The following PLXNB2 variants were observed in gnomAD, a reference collection of about 807,000 sequenced individuals.
PLXNB2 encodes plexin-B2.
In PLXNB2, 85 loss-of-function variants were observed where a neutral mutation model predicts 202.6. The observed-to-expected ratio is 0.42, with a 90% CI of 0.35 to 0.50. The LOEUF (loss-of-function observed/expected upper bound fraction) is 0.50. PLXNB2 is among the 20% of genes least tolerant of loss of function. The probability of loss-of-function intolerance (pLI) is 0.02; values close to 1 mark genes in which losing one functional copy is unlikely to be tolerated. For synonymous variants in PLXNB2, 1,239 were observed against 1,137.6 expected, an observed-to-expected ratio of 1.09 and a Z score of -1.79; for missense variants, 2,063 against 2,586.2, an observed-to-expected ratio of 0.80 and a Z score of 4.39.
At chr22:50,276,804 G>A (rs2065632571) in intron 34 of PLXNB2, 38 bp downstream of exon 34, 9 of 1,595,966 alleles carry the variant, frequency 5.6e-6, no homozygotes, top group Middle Eastern at 1.7e-4. Flanking sequence ...GGTCGAGGGT[G>A]GGCATGGGGG....
Position 50,283,099 on chromosome 22 carries a change from C to T in PLXNB2, c.2767G>A (p.Gly923Ser). The T allele has an allele frequency of 1.9e-6, 3 of 1,606,952 alleles. No individual in the cohort carries two copies. Among genetic ancestry groups the T allele is most frequent in the Non-Finnish European group, 2.5e-6 (3 of 1,177,452 alleles). ...GTCACCCGCACGTCCTCCTGGGAGC[C>T]CGTGTCCAGGTGGGTGCCGTGGATG... ...LTIHGTHLDT[G>S]SQEDVRVTLN... Residue 923 changes from glycine (G) to serine (S), a missense_variant, in exon 17 of 37, where the codon GGC becomes AGC. Coordinates refer to ENST00000359337, the MANE Select transcript of PLXNB2 (RefSeq NM_012401.4).
rs541251371 is a variant in PLXNB2, at chr22:50,285,977, C to G, written c.1986+13G>C. ...TGCCCTGAACAGTCCCCTGAGGCCC[C>G]GAGGCCCCTCACCATGTGGGCACGG... On this transcript the variant is annotated intron_variant, in intron 10 of 36. Transcript: ENST00000359337. 1 of 1,610,510 alleles carries G rather than the reference C, an allele frequency of 6.2e-7. No individual in the cohort carries two copies. Among genetic ancestry groups the G allele is most frequent in the Non-Finnish European group, 8.5e-7 (1 of 1,178,268 alleles).
rs1462355412 is a variant in PLXNB2, at chr22:50,289,667, C to A, written c.918G>T (p.Gly306=). The A allele has an allele frequency of 6.2e-7, 1 of 1,609,190 alleles. No homozygotes were observed. Among genetic ancestry groups the A allele is most frequent in the South Asian group, 1.1e-5 (1 of 91,074 alleles). ...VFSRDSRSSG[G]PGAGLCLFPL... ...GGAACAGGCAGAGGCCCGCACCGGG[C>A]CCCCCACTGCTCCGGCTGTCTCTGC... The change falls in exon 3 of 37, where the codon GGG becomes GGT. Residue 306 remains glycine (G), a synonymous_variant. Coordinates refer to ENST00000359337, the MANE Select transcript of PLXNB2 (RefSeq NM_012401.4). The surrounding 1 kb of genome is among the most constrained non-coding windows in gnomAD (Gnocchi z 8.0).
intron 2 of PLXNB2, among the ~76,000 whole-genome samples, chr22:50,292,553 T>G (rs1161409848): frequency 1.3e-5 from 2 of 152,122 alleles, no homozygotes; most frequent in African/African-American, 4.8e-5. Flanking sequence ...TGGGAGCAGC[T>G]TGGCCTCTGA....
chr22:50,281,830 C>T (rs763025442), intron 20 of PLXNB2, 24 bp downstream of exon 20: 6 of 1,600,218 alleles, frequency 3.7e-6, no homozygotes, highest in Middle Eastern at 1.7e-4. Flanking sequence ...AGGACCCAGA[C>T]ACCCGGGGCT....
Position 50,290,713 on chromosome 22 carries a change from G to A in PLXNB2, c.-13-116C>T, listed in dbSNP as rs1601730614. 2.2e-5 allele frequency: 25 copies of A among 1,114,606 alleles called. No individual in the cohort carries two copies. In the East Asian group the frequency reaches 5.2e-4, roughly 23 times the overall value. The allele number at this position is 1,114,606 out of a possible 1,614,324, so 69.0% of individuals were successfully genotyped here. On this transcript the variant is annotated intron_variant, in intron 2 of 36. Coordinates refer to ENST00000359337, the MANE Select transcript of PLXNB2 (RefSeq NM_012401.4). ...GGGAGAGAGGGTCACGCCACTCCAC[G>A]AACTGAGGAACCTGGAGCTCCGCCC...
At chr22:50,279,160 C>G in intron 27 of PLXNB2, 149 bp from the exon 28 acceptor site, 1 of 754,394 alleles carries the variant, frequency 1.3e-6, no homozygotes, top group Non-Finnish European at 2.1e-6. Flanking sequence ...GCCCCCGAGG[C>G]TTCCCAGATG....
rs1214727131 is a variant in PLXNB2, at chr22:50,284,211, C to G, written c.2184G>C (p.Leu728=). Residue 728 remains leucine (L), a splice_region_variant and synonymous_variant, in exon 13 of 37, where the codon CTG becomes CTC. Coordinates refer to ENST00000359337, the MANE Select transcript of PLXNB2 (RefSeq NM_012401.4). The surrounding 1 kb of genome is among the most constrained non-coding windows in gnomAD (Gnocchi z 8.0). ...GCAGCGTCTCGTTGGCATCGTGGGACAGCTGGGGGACACGCAGGGGCACAC... is the reference window on the plus strand; with the variant it reads ...GCAGCGTCTCGTTGGCATCGTGGGAGAGCTGGGGGACACGCAGGGGCACAC... The part of the protein sequence containing the change: ...SGTFAFRTPK[L]SHDANETLPL... 4 of 1,612,706 alleles carry G rather than the reference C, an allele frequency of 2.5e-6. No homozygotes were observed. Among genetic ancestry groups the G allele is most frequent in the East Asian group, 2.2e-5 (1 of 44,872 alleles).
intron 33 of PLXNB2, 107 bp downstream of exon 33, chr22:50,277,484 G>C: frequency 8.4e-7 from 1 of 1,193,848 alleles, no homozygotes; most frequent in Non-Finnish European, 1.2e-6. Context: ...AAGGGCTCCA[G>C]CCCAAGATAT....
At position 50,307,507 on chromosome 22, in the gene PLXNB2, C is replaced by A. The variant is rs1211124967; in HGVS notation, c.-74+46G>T. 15 of 942,138 alleles carry A rather than the reference C, an allele frequency of 1.6e-5. 1 individual carries two copies. The East Asian group carries it at 1.2e-3, about 75-fold the overall frequency. The allele number at this position is 942,138 out of a possible 1,614,324, so 58.4% of individuals were successfully genotyped here. ...GGCGCTGACGGCGAAGCCCCCCCCA[C>A]GCCCAGCGAGACGTCCCCCGCAGCC... On this transcript the variant is annotated intron_variant, in intron 1 of 36. Transcript: ENST00000359337.
chr22:50,306,729 TCACC>T (rs2067897813), intron 1 of PLXNB2, among the ~76,000 whole-genome samples: 1 of 122,270 alleles, frequency 8.2e-6, no homozygotes, highest in South Asian at 2.6e-4. Flanking sequence ...ACCCTCACCC[TCACC>T]CCCTGTCCTG....
At position 50,276,922 on chromosome 22, in the gene PLXNB2, C is replaced by T. The variant is rs749516166; in HGVS notation, c.5197-16G>A. 1.9e-6 allele frequency: 3 copies of T among 1,582,890 alleles called. No individual in the cohort carries two copies. The highest frequency in any genetic ancestry group is 2.6e-6 in the Non-Finnish European group (3 of 1,162,950). The stretch of plus-strand genomic sequence containing the variant: ...TGGGAGAATCCTGTTGGGGACAAAA[C>T]CCAGTGATGCCTGGCCAAGGGGGCC... On this transcript the variant is annotated splice_polypyrimidine_tract_variant and intron_variant, in intron 33 of 36. Transcript: ENST00000359337.
rs780662077 is a variant in PLXNB2 at position 50,278,524 on chromosome 22, G to A, written c.4648-5C>T. On this transcript the variant is annotated splice_region_variant and splice_polypyrimidine_tract_variant and intron_variant, in intron 29 of 36. Transcript: ENST00000359337. ...GAGGGTGGCTCCATCCCGGACCTGG[G>A]GAACACGGCGGTGAGGGTGGGCTGT... 2 of 1,576,128 alleles carry A rather than the reference G, an allele frequency of 1.3e-6. No homozygotes were observed. Among genetic ancestry groups the A allele is most frequent in the African/African-American group, 1.4e-5 (1 of 73,894 alleles).
In PLXNB2 at chr22:50,284,729, C is replaced by T. The variant is rs574572521; in HGVS notation, c.2089-64G>A. The stretch of plus-strand genomic sequence containing the variant: ...TGGCACCCTGGCCCTCCTCCCAGAA[C>T]CCCTGCAGCCCCTCCTCTGTGCCTA... On this transcript the variant is annotated intron_variant, in intron 11 of 36. Transcript: ENST00000359337. This position sits in a 1 kb window ranked among gnomAD's most constrained non-coding sequence, Gnocchi z 8.0. The T allele has an allele frequency of 2.6e-6, 3 of 1,159,396 alleles. No homozygotes were observed. Among genetic ancestry groups the T allele is most frequent in the Admixed American group, 1.7e-5 (1 of 59,138 alleles). 71.8% of individuals were successfully genotyped at this position (1,159,396 alleles called of 1,614,324 possible).
chr22:50,284,732 C>G lies in PLXNB2; in HGVS notation c.2089-67G>C. 2 of 1,168,524 alleles carry G rather than the reference C, an allele frequency of 1.7e-6. No homozygotes were observed. The highest frequency in any genetic ancestry group is 2.6e-6 in the Non-Finnish European group (2 of 775,800). 72.4% of individuals were successfully genotyped at this position (1,168,524 alleles called of 1,614,324 possible). ...CACCCTGGCCCTCCTCCCAGAACCC[C>G]TGCAGCCCCTCCTCTGTGCCTACAG... On this transcript the variant is annotated intron_variant, in intron 11 of 36. Transcript: ENST00000359337. The surrounding 1 kb of genome is among the most constrained non-coding windows in gnomAD (Gnocchi z 8.0).
Position 50,289,825 on chromosome 22 carries a change from G to T in PLXNB2, c.760C>A (p.Pro254Thr), listed in dbSNP as rs1209152483. The T allele has an allele frequency of 6.2e-7, 1 of 1,613,188 alleles. No individual in the cohort carries two copies. The highest frequency in any genetic ancestry group is 1.3e-5 in the African/African-American group (1 of 74,962). Reference protein sequence around the residue: ...TLLARMCREDPNYYSYLEMDL... With the variant: ...TLLARMCREDTNYYSYLEMDL... ...ATCTCCAGGTAGGAGTAGTAGTTGG[G>T]GTCTTCTCTGCACATGCGTGCCAGC... Residue 254 changes from proline to threonine, a missense_variant, in exon 3 of 37, where the codon CCC becomes ACC. Coordinates refer to ENST00000359337, the MANE Select transcript of PLXNB2 (RefSeq NM_012401.4). This position sits in a 1 kb window ranked among gnomAD's most constrained non-coding sequence, Gnocchi z 8.0.
rs1242264362 is a variant in PLXNB2 at position 50,293,541 on chromosome 22, G to A, written c.-14+1178C>T. 2.0e-5 allele frequency among the ~76,000 whole-genome samples: 3 copies of A among 152,212 alleles called. No individual in the cohort carries two copies. The East Asian group carries it at 5.8e-4, about 29-fold the overall frequency. On this transcript the variant is annotated intron_variant, in intron 2 of 36. Coordinates refer to ENST00000359337, the MANE Select transcript of PLXNB2 (RefSeq NM_012401.4). ...CGGCCCAGCTCGCTCACCCGGCCCA[G>A]CTCGGTGGCAGTGGCAGAGGCAGCC...
intron 1 of PLXNB2, among the ~76,000 whole-genome samples, chr22:50,298,705 G>A (rs940982289): frequency 1.3e-5 from 2 of 152,164 alleles, no homozygotes; most frequent in African/African-American, 2.4e-5. Context: ...GAGTGTAGGG[G>A]CATGATCTTG....
chr22:50,289,715 G>T lies in PLXNB2; in HGVS notation c.870C>A (p.Gly290=). 1 of 1,611,568 alleles carries T rather than the reference G, an allele frequency of 6.2e-7. No homozygotes were observed. The highest frequency in any genetic ancestry group is 1.7e-5 in the Admixed American group (1 of 60,020). Residue 290 remains glycine, a synonymous_variant, in exon 3 of 37, where the codon GGC becomes GGA. Transcript: ENST00000359337. This position sits in a 1 kb window ranked among gnomAD's most constrained non-coding sequence, Gnocchi z 8.0. ...TGCTGAAGACAGCATATAGCACCCT[G>T]CCAGAGCCAGGCGCAGCCACGGAGG... ...LAASVAAPGS[G]RVLYAVFSRD... is the part of the protein sequence containing the mutation.
Sources: allele counts gnomAD v4.1 joint callset (sites outside exome capture counted in the v4.1 genomes callset), GRCh38; gene constraint gnomAD v4.1.1; non-coding constraint Gnocchi (gnomAD v3.1); transcripts MANE v1.5; gene names NCBI Gene and HGNC (gene_info 2026-07-23, HGNC 2026-07-21).